The following FRMD4B variants were observed in gnomAD, a reference collection of about 807,000 sequenced individuals.
FRMD4B encodes FERM domain containing 4B.
Under a neutral mutation model 141.5 loss-of-function variants are expected in FRMD4B, and 74 were observed. That is an observed-to-expected ratio of 0.52 (90% CI 0.43 to 0.63). The LOEUF is 0.63. Among genes scored for constraint, FRMD4B ranks in the 30% least tolerant of loss-of-function variants. The pLI, the probability that FRMD4B is intolerant of heterozygous loss-of-function variation, is 0.00. For synonymous variants in FRMD4B, 506 were observed against 467.9 expected (o/e 1.08, Z -1.05); for missense variants, 1,366 against 1,253.4 (o/e 1.09, Z -1.36).
intron 1 of FRMD4B, among the ~76,000 whole-genome samples, chr3:69,514,162 T>C (rs1700702906): frequency 6.6e-6 from 1 of 152,142 alleles, no homozygotes; most frequent in Non-Finnish European, 1.5e-5. Flanking sequence ...ACCTAAAGAT[T>C]CCACCAAAGA....
intron 1 of FRMD4B, among the ~76,000 whole-genome samples, chr3:69,449,207 G>A (rs981705787): frequency 7.9e-5 from 12 of 152,054 alleles, no homozygotes; most frequent in Admixed American, 6.5e-4. Flanking sequence ...TTACCTCAGC[G>A]ACCTCCATAC....
Position 69,196,442 on chromosome 3 carries a change from C to T in FRMD4B, c.1093-46G>A, listed in dbSNP as rs113020282. On this transcript the variant is annotated intron_variant, in intron 13 of 22. Transcript: ENST00000398540. ...AAACAGAATTAACTCAAACATACTTCAAATTAATGAAACAATTAAGTTAAC... is the reference window on the plus strand; with the variant it reads ...AAACAGAATTAACTCAAACATACTTTAAATTAATGAAACAATTAAGTTAAC... 1.8e-3 allele frequency: 2,540 copies of T among 1,418,582 alleles called. 40 individuals are homozygous for T. The African/African-American group carries it at 0.033, about 18-fold the overall frequency. The allele number at this position is 1,418,582 out of a possible 1,614,324, so 87.9% of individuals were successfully genotyped here.
intron 3 of FRMD4B, among the ~76,000 whole-genome samples, chr3:69,309,429 A>G (rs13097295): frequency 0.31 from 46,473 of 150,356 alleles, 8,075 homozygotes; most frequent in Non-Finnish European, 0.39. Flanking sequence ...GGTGTGAGCC[A>G]CTCTTAATGT....
intron 2 of FRMD4B, among the ~76,000 whole-genome samples, chr3:69,416,542 A>T (rs9850356): frequency 0.01 from 1,528 of 152,018 alleles, 21 homozygotes; most frequent in African/African-American, 0.034. Context: ...CTTTTTTTTT[A>T]AATTATTATA....
chr3:69,454,929 C>G (rs577334181), intron 1 of FRMD4B, among the ~76,000 whole-genome samples: 16 of 152,282 alleles, frequency 1.1e-4, no homozygotes, highest in Admixed American at 5.9e-4. Flanking sequence ...CATGTCTAGC[C>G]GGAGGATTGT....
intron 1 of FRMD4B, among the ~76,000 whole-genome samples, chr3:69,512,182 C>T (rs1575596372): frequency 6.6e-6 from 1 of 152,192 alleles, no homozygotes; most frequent in African/African-American, 2.4e-5. Flanking sequence ...TCTACTCTGG[C>T]TCACCATAGT....
chr3:69,413,976 C>T (rs1030177592), intron 2 of FRMD4B, among the ~76,000 whole-genome samples: 1 of 152,152 alleles, frequency 6.6e-6, no homozygotes, highest in Admixed American at 6.5e-5. Flanking sequence ...TGGAATTTCT[C>T]GATTCTGGGA....
At chr3:69,243,430 C>T (rs141598722) in intron 7 of FRMD4B, among the ~76,000 whole-genome samples, 1 of 152,276 alleles carries the variant, frequency 6.6e-6, no homozygotes, top group East Asian at 1.9e-4. Flanking sequence ...GGAGTATGCA[C>T]AGCAGAGAAT....
At chr3:69,410,765 A>G (rs1362778020) in intron 2 of FRMD4B, among the ~76,000 whole-genome samples, 2 of 84,596 alleles carry the variant, frequency 2.4e-5, no homozygotes, top group African/African-American at 4.7e-5. Context: ...ATATATATAT[A>G]TATATATATT....
chr3:69,493,115 C>T (rs1172968812), intron 1 of FRMD4B, among the ~76,000 whole-genome samples: 1 of 152,208 alleles, frequency 6.6e-6, no homozygotes, highest in Non-Finnish European at 1.5e-5. Context: ...TATACACAAT[C>T]AAAAGCACAA....
intron 1 of FRMD4B, among the ~76,000 whole-genome samples, chr3:69,473,453 CCATCT>C (rs1463089325): frequency 6.6e-6 from 1 of 152,182 alleles, no homozygotes; most frequent in Non-Finnish European, 1.5e-5. Flanking sequence ...ATCTGAATCT[CCATCT>C]CACTCCTCAT....
intron 1 of FRMD4B, among the ~76,000 whole-genome samples, chr3:69,328,272 T>G (rs957751857): frequency 6.6e-6 from 1 of 152,226 alleles, no homozygotes; most frequent in Non-Finnish European, 1.5e-5. Flanking sequence ...TACTATGACC[T>G]TTGCTCTTGT....
Position 69,170,524 on chromosome 3 carries a change from G to T in FRMD4B, c.*1337C>A, listed in dbSNP as rs570660065. ...TATATATTACATGCTTTGGAATATA[G>T]ATAGAAAATGTTCCAAAAAAGTTGT... On this transcript the variant is annotated 3_prime_UTR_variant, in exon 23 of 23. Coordinates refer to ENST00000398540, the MANE Select transcript of FRMD4B (RefSeq NM_015123.3). 6.6e-5 allele frequency: 10 copies of T among 151,974 alleles called. No individual in the cohort carries two copies. The highest frequency in any genetic ancestry group is 2.4e-4 in the African/African-American group (10 of 41,438). The allele number at this position is 151,974 out of a possible 1,614,324, so 9.4% of individuals were successfully genotyped here. A position where few individuals can be genotyped will look rare whatever the true frequency, so the allele number is the denominator to read the frequency against.
chr3:69,178,820 C>CA (rs113311177), intron 21 of FRMD4B, among the ~76,000 whole-genome samples: 5,159 of 151,586 alleles, frequency 0.034, 231 homozygotes, highest in African/African-American at 0.1. Flanking sequence ...TAACAATAAG[C>CA]ATAACAATAG....
chr3:69,269,955 T>C (rs1381306043), intron 5 of FRMD4B, among the ~76,000 whole-genome samples: 1 of 152,242 alleles, frequency 6.6e-6, no homozygotes, highest in Non-Finnish European at 1.5e-5. Flanking sequence ...TTGTAACCAT[T>C]TGTGGCTCAT....
At chr3:69,468,269 C>T (rs1005147566) in intron 1 of FRMD4B, among the ~76,000 whole-genome samples, 2 of 152,094 alleles carry the variant, frequency 1.3e-5, no homozygotes, top group East Asian at 1.9e-4. Flanking sequence ...TAGTCTTGTT[C>T]GGACTATGTC....
upstream of FRMD4B, among the ~76,000 whole-genome samples, chr3:69,391,046 G>GC (rs571861952): frequency 7.6e-4 from 115 of 151,264 alleles, no homozygotes; most frequent in Non-Finnish European, 1.2e-3. Context: ...TTGTTTGTTA[G>GC]TTTTTTTTTA....
intron 1 of FRMD4B, among the ~76,000 whole-genome samples, chr3:69,468,944 G>A (rs777805024): frequency 2.6e-5 from 4 of 152,152 alleles, no homozygotes; most frequent in Admixed American, 6.5e-5. Flanking sequence ...TGTATAGTCC[G>A]AGCTTCAAAA....
At chr3:69,252,885 A>G (rs1242303293) in intron 5 of FRMD4B, among the ~76,000 whole-genome samples, 1 of 152,208 alleles carries the variant, frequency 6.6e-6, no homozygotes, top group African/African-American at 2.4e-5. Context: ...ATGGATAAAA[A>G]AAGAGAACCA....
Sources: gnomAD v4.1 joint callset for allele counts (sites outside exome capture counted in the v4.1 genomes callset) on GRCh38, gnomAD v4.1.1 for gene constraint, MANE v1.5 for transcripts, NCBI Gene and HGNC (gene_info 2026-07-23, HGNC 2026-07-21) for gene names.